Variants in ARHGEF4 observed in about 807,000 individuals in gnomAD.
The protein encoded by ARHGEF4 is APC-stimulated guanine nucleotide exchange factor 1.
In ARHGEF4, 119 loss-of-function variants were observed where a neutral mutation model predicts 162.0. The ratio of observed to expected loss-of-function variants is 0.73; its 90% CI spans 0.63 to 0.86. The LOEUF (loss-of-function observed/expected upper bound fraction) is 0.86. Ranked by LOEUF, ARHGEF4 falls within the 40% of genes least tolerant of loss-of-function variation. The pLI, the probability that ARHGEF4 is intolerant of heterozygous loss-of-function variation, is 0.00. For synonymous variants in ARHGEF4, 1,014 were observed against 979.9 expected (o/e 1.03, Z -0.65); for missense variants, 2,488 against 2,456.0 (o/e 1.01, Z -0.28).
intron 4 of ARHGEF4, among the ~76,000 whole-genome samples, chr2:130,987,888 G>A (rs1399540911): frequency 6.6e-6 from 1 of 152,166 alleles, no homozygotes; most frequent in Non-Finnish European, 1.5e-5. Context: ...AGCTGTTGGA[G>A]TACTGTAAGG....
chr2:131,045,428 G>A lies in ARHGEF4; in HGVS notation c.5461G>A (p.Val1821Ile). ...QAMLNASKQQ[V>I]TGKPKAVGRP... ...CATGCTGAATGCCAGCAAGCAGCAG[G>A]TCACAGGGAAGCCCAAAGGTAGGCG... Residue 1821 changes from valine to isoleucine, a missense_variant, in exon 13 of 14, where the codon GTC becomes ATC. This residue lies in a region of ARHGEF4 where 415 missense variants were observed against 512.4 expected (regional missense o/e 0.81). Transcript: ENST00000409359. The A allele has an allele frequency of 1.2e-6, 2 of 1,613,626 alleles. No individual in the cohort carries two copies. Among genetic ancestry groups the A allele is most frequent in the Non-Finnish European group, 1.7e-6 (2 of 1,180,006 alleles).
At chr2:131,034,640 G>A in intron 5 of ARHGEF4, among the ~76,000 whole-genome samples, 1 of 152,194 alleles carries the variant, frequency 6.6e-6, no homozygotes, top group East Asian at 1.9e-4. Context: ...AGGAATCAGA[G>A]TCCCTGGCCC....
At chr2:130,837,392 G>T in intron 1 of ARHGEF4, 1 of 336,548 alleles carries the variant, frequency 3.0e-6, no homozygotes. Flanking sequence ...CGCAGTACCA[G>T]CTGTTTTGGG....
At chr2:130,893,388 C>T (rs1679974065) in intron 1 of ARHGEF4, among the ~76,000 whole-genome samples, 2 of 152,346 alleles carry the variant, frequency 1.3e-5, no homozygotes, top group East Asian at 3.9e-4. Context: ...CCTAGCACAG[C>T]ACCTGGCACA....
chr2:130,982,610 C>A (rs1367340064), intron 4 of ARHGEF4, among the ~76,000 whole-genome samples: 1 of 79,682 alleles, frequency 1.3e-5, no homozygotes, highest in Non-Finnish European at 3.9e-5. Context: ...CCTCCTCCTC[C>A]TCCTTTCTTC....
intron 1 of ARHGEF4, among the ~76,000 whole-genome samples, chr2:130,853,001 T>A (rs1681516323): frequency 6.6e-6 from 1 of 152,138 alleles, no homozygotes; most frequent in Admixed American, 6.5e-5. Flanking sequence ...GGGAAGAACC[T>A]CCTTCCAGCA....
rs1691245911 is a variant in ARHGEF4 at position 131,046,174 on chromosome 2, AC to A, written c.5619del (p.Phe1874SerfsTer9). ...TCTGGCACAGCATCAGCCGGCTGGC[AC>A]CCTTCCGCAAGTGAACTGGTCCCTG... ...TFWHSISRLAPFRK is the reference protein window; with the variant it reads ...TFWHSISRLAXFRK On this transcript the variant is annotated frameshift_variant, in exon 14 of 14. Transcript: ENST00000409359. LOFTEE classifies it high-confidence loss of function. 1 of 1,611,666 alleles carries A rather than the reference AC, an allele frequency of 6.2e-7. No individual in the cohort carries two copies. The highest frequency in any genetic ancestry group is 8.5e-7 in the Non-Finnish European group (1 of 1,179,224).
At chr2:130,877,910 A>G (rs950203752) in intron 1 of ARHGEF4, among the ~76,000 whole-genome samples, 2 of 152,228 alleles carry the variant, frequency 1.3e-5, no homozygotes, top group Admixed American at 1.3e-4. Flanking sequence ...CCAGTTCCTG[A>G]AACAGCACCA....
intron 1 of ARHGEF4, among the ~76,000 whole-genome samples, chr2:130,838,110 C>A (rs1263655764): frequency 6.6e-6 from 1 of 152,216 alleles, no homozygotes; most frequent in African/African-American, 2.4e-5. Context: ...GGGAAGGCAG[C>A]CTTTCAGGAA....
Position 130,914,298 on chromosome 2 carries a change from C to T in ARHGEF4, c.352C>T (p.His118Tyr). Residue 118 changes from histidine (H) to tyrosine (Y), a missense_variant, in exon 2 of 14, where the codon CAT (histidine) becomes TAT (tyrosine). Transcript: ENST00000409359. ...VSATGPPQEQ[H>Y]LTSVPGLHAK... ...AGCAACTGGACCCCCTCAGGAGCAG[C>T]ATTTGACCAGTGTTCCTGGGCTTCA... is the stretch of plus-strand genomic sequence containing the variant. 2 of 1,512,414 alleles carry T rather than the reference C, an allele frequency of 1.3e-6. No individual in the cohort carries two copies. Among genetic ancestry groups the T allele is most frequent in the South Asian group, 2.5e-5 (2 of 80,788 alleles). 93.7% of individuals were successfully genotyped at this position (1,512,414 alleles called of 1,614,324 possible). A position where few individuals can be genotyped will look rare whatever the true frequency, so the allele number is the denominator to read the frequency against.
intron 12 of ARHGEF4, 61 bp downstream of exon 12, chr2:131,044,603 T>C (rs1421171870): frequency 2.0e-5 from 31 of 1,516,798 alleles, no homozygotes; most frequent in Non-Finnish European, 7.1e-6. Flanking sequence ...CCCGCCTGCC[T>C]GGCCGCCTGC....
intron 1 of ARHGEF4, among the ~76,000 whole-genome samples, chr2:130,880,534 T>C (rs1027530679): frequency 4.6e-5 from 7 of 152,082 alleles, no homozygotes; most frequent in Non-Finnish European, 1.0e-4. Context: ...CCACAAAAGG[T>C]AGGTTTTCGT....
chr2:130,898,347 A>G (rs1680289266), intron 1 of ARHGEF4, among the ~76,000 whole-genome samples: 1 of 152,206 alleles, frequency 6.6e-6, no homozygotes, highest in Admixed American at 6.5e-5. Context: ...GGAGCCTTCC[A>G]CAGGGAGTAT....
At chr2:130,880,819 GCAC>G (rs1414615312) in intron 1 of ARHGEF4, among the ~76,000 whole-genome samples, 1 of 151,778 alleles carries the variant, frequency 6.6e-6, no homozygotes, top group Non-Finnish European at 1.5e-5. Context: ...ACAGGTGTGA[GCAC>G]CCGGCCAAAT....
intron 4 of ARHGEF4, among the ~76,000 whole-genome samples, chr2:131,015,375 G>T (rs766691635): frequency 6.6e-6 from 1 of 152,090 alleles, no homozygotes. Context: ...ACAGAAAAAG[G>T]CCATTTGGGA....
intron 3 of ARHGEF4, among the ~76,000 whole-genome samples, chr2:130,933,194 G>A (rs1418267719): frequency 7.0e-6 from 1 of 141,920 alleles, no homozygotes; most frequent in East Asian, 2.2e-4. Context: ...CAGCCTGGGT[G>A]ACAGAGTGAG....
chr2:131,006,801 A>T (rs1688140771), intron 4 of ARHGEF4, among the ~76,000 whole-genome samples: 1 of 152,164 alleles, frequency 6.6e-6, no homozygotes, highest in African/African-American at 2.4e-5. Context: ...GTCTGAAGAG[A>T]GGCTGAAAGA....
chr2:130,848,269 T>G (rs1468852163), intron 1 of ARHGEF4, among the ~76,000 whole-genome samples: 9 of 152,100 alleles, frequency 5.9e-5, no homozygotes, highest in Non-Finnish European at 1.5e-5. Flanking sequence ...CAGGCCAGGA[T>G]CGCGTCTGAA....
At position 131,038,833 on chromosome 2, in the gene ARHGEF4, G is replaced by T; in HGVS notation, c.4126-20G>T. ...GGCAGCCTCCCCCACTGACCCGCCT[G>T]CCCGTGGCTCTCTCGGCAGCTCATC... is the stretch of plus-strand genomic sequence containing the variant. On this transcript the variant is annotated intron_variant, in intron 5 of 13. Coordinates refer to ENST00000409359, the MANE Select transcript of ARHGEF4 (RefSeq NM_001367493.1). 1 of 1,590,264 alleles carries T rather than the reference G, an allele frequency of 6.3e-7. No individual in the cohort carries two copies.
Sources: allele counts gnomAD v4.1 joint callset (sites outside exome capture counted in the v4.1 genomes callset), GRCh38; gene constraint gnomAD v4.1.1; regional missense constraint gnomAD v4.1.1; transcripts MANE v1.5; gene names NCBI Gene and HGNC (gene_info 2026-07-23, HGNC 2026-07-21).